Variants in TSPAN15 observed in about 807,000 individuals in gnomAD.
TSPAN15 encodes the protein tetraspanin-15.
A neutral mutation model predicts 34.5 loss-of-function variants in TSPAN15; 20 were observed. The ratio of observed to expected loss-of-function variants is 0.58; its 90% CI spans 0.41 to 0.84. The LOEUF is 0.84. TSPAN15 is among the 40% of genes least tolerant of loss of function. TSPAN15 has a pLI of 0.00. For missense variants in TSPAN15, 313 were observed against 386.1 expected (o/e 0.81, Z 1.59); for synonymous variants, 155 against 153.9 (o/e 1.01, Z -0.05).
chr10:69,537,481 AT>A, the TSPAN15 span, among the ~76,000 whole-genome samples: 1 of 152,186 alleles, frequency 6.6e-6, no homozygotes, highest in Non-Finnish European at 1.5e-5. Flanking sequence ...GAAGTCTGAG[AT>A]CAAGGTGTCG....
intron 1 of TSPAN15, among the ~76,000 whole-genome samples, chr10:69,482,770 C>T (rs1187738183): frequency 6.6e-6 from 1 of 152,174 alleles, no homozygotes; most frequent in Non-Finnish European, 1.5e-5. Context: ...AACCCATGTT[C>T]TCTGACCCTC....
At chr10:69,523,125 G>A in the TSPAN15 span, among the ~76,000 whole-genome samples, 28 of 147,810 alleles carry the variant, frequency 1.9e-4, 1 homozygote, top group Non-Finnish European at 4.5e-5. Context: ...TAAAGTAATT[G>A]TTCTTTGCAT....
the TSPAN15 span, among the ~76,000 whole-genome samples, chr10:69,546,182 T>C: frequency 6.6e-6 from 1 of 152,174 alleles, no homozygotes; most frequent in African/African-American, 2.4e-5. Flanking sequence ...ACCTCTCTGA[T>C]CATTCCATGT....
At chr10:69,467,916 G>A (rs1204449796) in intron 1 of TSPAN15, among the ~76,000 whole-genome samples, 1 of 152,118 alleles carries the variant, frequency 6.6e-6, no homozygotes, top group Non-Finnish European at 1.5e-5. Context: ...TCTGAAACTT[G>A]AGGGGTGACC....
the TSPAN15 span, among the ~76,000 whole-genome samples, chr10:69,537,414 T>A: frequency 6.6e-6 from 1 of 152,212 alleles, no homozygotes; most frequent in Admixed American, 6.5e-5. Context: ...CCATCTGTGC[T>A]GAAAACTGGG....
intron 1 of TSPAN15, among the ~76,000 whole-genome samples, chr10:69,464,367 A>G (rs1841335975): frequency 6.6e-6 from 1 of 152,168 alleles, no homozygotes; most frequent in African/African-American, 2.4e-5. Flanking sequence ...GCTGAAAACC[A>G]AGGGGGAAGG....
chr10:69,455,629 C>CCA lies in TSPAN15; in HGVS notation c.96+3940_96+3941insAC, dbSNP rs1554830587. Among the ~76,000 whole-genome samples the CCA allele has an allele frequency of 1.1e-3, 110 of 101,360 alleles. 4 individuals carry two copies. Among genetic ancestry groups the CCA allele is most frequent in the Non-Finnish European group, 6.9e-4 (33 of 47,636 alleles). The allele number at this position is 101,360 out of a possible 152,430, so 66.5% of individuals were successfully genotyped here. A position where few individuals can be genotyped will look rare whatever the true frequency, so the allele number is the denominator to read the frequency against. On this transcript the variant is annotated intron_variant, in intron 1 of 7. Coordinates refer to ENST00000373290, the MANE Select transcript of TSPAN15 (RefSeq NM_012339.5). ...CTTTCTCTCTCTCTCTCTCTCTCCC[C>CCA]CCCCCGTCTCTTTCTTTCTTCCTTT...
intron 1 of TSPAN15, among the ~76,000 whole-genome samples, chr10:69,476,566 C>CA (rs34169685): frequency 0.23 from 22,062 of 97,094 alleles, 1,751 homozygotes; most frequent in Admixed American, 0.3. Context: ...CAAAGGGTCT[C>CA]AAAAAAAAAA....
chr10:69,534,756 G>A, the TSPAN15 span, among the ~76,000 whole-genome samples: 1 of 151,538 alleles, frequency 6.6e-6, no homozygotes, highest in Non-Finnish European at 1.5e-5. Context: ...GCTGAGGTGG[G>A]AGGATTGTCT....
chr10:69,531,952 A>AAAAAAAAAAAAAAAAAAAAAAAC, the TSPAN15 span, among the ~76,000 whole-genome samples: 1 of 100,822 alleles, frequency 9.9e-6, no homozygotes, highest in Non-Finnish European at 2.3e-5. Context: ...AAAAAAAAAC[A>AAAAAAAAAAAAAAAAAAAAAAAC]AAAAAAAAAC....
chr10:69,535,549 T>C, the TSPAN15 span, among the ~76,000 whole-genome samples: 5 of 152,200 alleles, frequency 3.3e-5, no homozygotes, highest in Admixed American at 2.0e-4. Context: ...ATATGAACAG[T>C]ACCATGGAGT....
In TSPAN15 at chr10:69,498,447, T is replaced by C; in HGVS notation, c.570+51T>C. 1.4e-6 allele frequency: 2 copies of C among 1,456,780 alleles called. 1 individual carries two copies. Among genetic ancestry groups the C allele is most frequent in the South Asian group, 2.3e-5 (2 of 87,166 alleles). 90.2% of individuals were successfully genotyped at this position (1,456,780 alleles called of 1,614,324 possible). A position where few individuals can be genotyped will look rare whatever the true frequency, so the allele number is the denominator to read the frequency against. On this transcript the variant is annotated intron_variant, in intron 5 of 7. Coordinates refer to ENST00000373290, the MANE Select transcript of TSPAN15 (RefSeq NM_012339.5). ...GGGGGCTGTCGGGGACCCCAGGTGGTATAAATGTTCTCTTTTCTCTCTTCC... is the reference window on the plus strand; with the variant it reads ...GGGGGCTGTCGGGGACCCCAGGTGGCATAAATGTTCTCTTTTCTCTCTTCC...
the TSPAN15 span, among the ~76,000 whole-genome samples, chr10:69,529,960 G>A: frequency 6.8e-6 from 1 of 147,170 alleles, no homozygotes. Context: ...CCTTTCCTGA[G>A]TTATTTCACT....
the TSPAN15 span, among the ~76,000 whole-genome samples, chr10:69,535,692 T>C: frequency 6.6e-6 from 1 of 152,262 alleles, no homozygotes; most frequent in Non-Finnish European, 1.5e-5. Context: ...TCCCTGAGGC[T>C]ATGGTTCCAT....
At chr10:69,543,972 C>T in the TSPAN15 span, among the ~76,000 whole-genome samples, 1 of 150,260 alleles carries the variant, frequency 6.7e-6, no homozygotes, top group East Asian at 2.0e-4. Context: ...CTCCTGCATA[C>T]AGGCAGGGAG....
downstream of TSPAN15, among the ~76,000 whole-genome samples, chr10:69,509,247 C>T (rs541019840): frequency 0.057 from 8,715 of 152,286 alleles, 322 homozygotes; most frequent in African/African-American, 0.086. Flanking sequence ...CCTCACACTG[C>T]ACCGCTGGCC....
At chr10:69,457,143 C>T (rs536271600) in intron 1 of TSPAN15, among the ~76,000 whole-genome samples, 2 of 152,174 alleles carry the variant, frequency 1.3e-5, no homozygotes, top group Admixed American at 6.5e-5. Flanking sequence ...CTTAGAGATC[C>T]GTTTACAGGA....
chr10:69,523,381 T>G, the TSPAN15 span: 1 of 578,032 alleles, frequency 1.7e-6, no homozygotes. Context: ...GATGCTGGGG[T>G]CTCCACCCCA....
At chr10:69,501,248 A>C (rs1194878735) in intron 5 of TSPAN15, among the ~76,000 whole-genome samples, 21 of 152,168 alleles carry the variant, frequency 1.4e-4, no homozygotes, top group Non-Finnish European at 5.9e-5. Context: ...TCTGGGAACG[A>C]CTAGGCAAGG....
Sources: gnomAD v4.1 joint callset for allele counts (sites outside exome capture counted in the v4.1 genomes callset) on GRCh38, gnomAD v4.1.1 for gene constraint, MANE v1.5 for transcripts, NCBI Gene and HGNC (gene_info 2026-07-23, HGNC 2026-07-21) for gene names.